Variants in SLC14A2 observed in about 807,000 individuals in gnomAD.
SLC14A2 encodes urea transporter 2.
Under a neutral mutation model 104.6 loss-of-function variants are expected in SLC14A2, and 91 were observed. That is an observed-to-expected ratio of 0.87 (90% CI 0.73 to 1.04). The LOEUF (loss-of-function observed/expected upper bound fraction) is 1.04, where lower values mean the gene tolerates loss of function less well. SLC14A2 is among the 50% of genes least tolerant of loss of function. The pLI is 0.00. For synonymous variants in SLC14A2, 476 were observed against 466.4 expected (o/e 1.02, Z -0.27); for missense variants, 1,189 against 1,156.0 (o/e 1.03, Z -0.41).
intron 1 of SLC14A2, among the ~76,000 whole-genome samples, chr18:45,471,068 T>C (rs945533837): frequency 6.6e-6 from 1 of 152,162 alleles, no homozygotes; most frequent in African/African-American, 2.4e-5. Flanking sequence ...CATTTTCTAC[T>C]GATTAGTTAA....
intron 2 of SLC14A2, among the ~76,000 whole-genome samples, chr18:45,566,504 C>T (rs1052012515): frequency 5.0e-5 from 4 of 79,874 alleles, no homozygotes; most frequent in South Asian, 6.1e-4. Flanking sequence ...CATGTACATG[C>T]GCTCACGCTC....
At chr18:45,546,033 A>G (rs1220095678) in intron 2 of SLC14A2, among the ~76,000 whole-genome samples, 6 of 152,198 alleles carry the variant, frequency 3.9e-5, no homozygotes, top group African/African-American at 1.4e-4. Context: ...AACCTTTTGT[A>G]TATTTCCAGT....
chr18:45,551,727 G>A (rs1029558397), intron 2 of SLC14A2, among the ~76,000 whole-genome samples: 1 of 152,180 alleles, frequency 6.6e-6, no homozygotes, highest in African/African-American at 2.4e-5. Context: ...GGCAGTGACT[G>A]TGAAAGGTAG....
chr18:45,207,763 AG>A, the SLC14A2 span, among the ~76,000 whole-genome samples: 8 of 152,190 alleles, frequency 5.3e-5, no homozygotes, highest in Non-Finnish European at 7.3e-5. Context: ...AAATTAGTTT[AG>A]GGTGGTTAGA....
intron 1 of SLC14A2, among the ~76,000 whole-genome samples, chr18:45,379,410 G>C (rs1164749905): frequency 6.6e-6 from 1 of 152,192 alleles, no homozygotes; most frequent in African/African-American, 2.4e-5. Flanking sequence ...TCTGAAGACA[G>C]CTATCAGATC....
chr18:45,289,893 G>C (rs183098697), intron 1 of SLC14A2, among the ~76,000 whole-genome samples: 1 of 152,148 alleles, frequency 6.6e-6, no homozygotes, highest in African/African-American at 2.4e-5. Context: ...TCACTCAGTG[G>C]CCTGATAGAT....
intron 15 of SLC14A2, among the ~76,000 whole-genome samples, chr18:45,669,085 G>C (rs111407989): frequency 6.6e-6 from 1 of 152,246 alleles, no homozygotes; most frequent in African/African-American, 2.4e-5. Context: ...GAGACTGCCT[G>C]CCTTATATCT....
At chr18:45,277,445 G>T (rs1262590124) in intron 1 of SLC14A2, among the ~76,000 whole-genome samples, 1 of 152,038 alleles carries the variant, frequency 6.6e-6, no homozygotes, top group Admixed American at 6.6e-5. Flanking sequence ...TAGAAACAGG[G>T]TATTGAAGGC....
In SLC14A2 at chr18:45,522,778, G is replaced by A. The variant is rs539548159; in HGVS notation, c.-35+39456G>A. On this transcript the variant is annotated intron_variant, in intron 2 of 20. Coordinates refer to the SLC14A2 transcript ENST00000586448. ...TTGCTTGCTTGCTCACTTTACTCAGGCTCTCATTGGATTCCCCAATTCTTA... is the reference window on the plus strand; with the variant it reads ...TTGCTTGCTTGCTCACTTTACTCAGACTCTCATTGGATTCCCCAATTCTTA... 5.3e-5 allele frequency among the ~76,000 whole-genome samples: 8 copies of A among 152,138 alleles called. No homozygotes were observed. In the East Asian group the frequency reaches 1.5e-3, roughly 29 times the overall value.
intron 2 of SLC14A2, among the ~76,000 whole-genome samples, chr18:45,488,204 G>A (rs2087648002): frequency 6.6e-6 from 1 of 152,156 alleles, no homozygotes; most frequent in African/African-American, 2.4e-5. Flanking sequence ...GCAAGAGCAG[G>A]CAGGGATAAC....
At chr18:45,470,412 TATTTTGACTGATAC>T (rs1424611075) in intron 1 of SLC14A2, among the ~76,000 whole-genome samples, 1 of 152,212 alleles carries the variant, frequency 6.6e-6, no homozygotes, top group Non-Finnish European at 1.5e-5. Flanking sequence ...AGAATCTATT[TATTTTGACTGATAC>T]ATTTTTACTT....
chr18:45,370,113 T>C (rs1387815899), intron 1 of SLC14A2, among the ~76,000 whole-genome samples: 1 of 152,150 alleles, frequency 6.6e-6, no homozygotes, highest in African/African-American at 2.4e-5. Flanking sequence ...TGCCAAATAT[T>C]CTTTCCCCAT....
intron 10 of SLC14A2, among the ~76,000 whole-genome samples, chr18:45,659,689 T>C (rs929395021): frequency 2.6e-5 from 4 of 152,222 alleles, no homozygotes; most frequent in African/African-American, 9.7e-5. Context: ...AATTCAGATA[T>C]AACTTTTATC....
At chr18:45,261,130 A>C (rs1032121814) in intron 1 of SLC14A2, among the ~76,000 whole-genome samples, 1 of 151,826 alleles carries the variant, frequency 6.6e-6, no homozygotes, top group Middle Eastern at 3.4e-3. Context: ...GTCATTTAAC[A>C]TTAGGTATAT....
At chr18:45,273,641 G>C (rs1469969344) in intron 1 of SLC14A2, among the ~76,000 whole-genome samples, 1 of 152,122 alleles carries the variant, frequency 6.6e-6, no homozygotes, top group South Asian at 2.1e-4. Flanking sequence ...GGTGAGCAGA[G>C]TAATTGGGTG....
chr18:45,558,595 GT>G (rs1434765376), intron 2 of SLC14A2, among the ~76,000 whole-genome samples: 25 of 152,336 alleles, frequency 1.6e-4, no homozygotes, highest in African/African-American at 5.8e-4. Flanking sequence ...ATAATCATGA[GT>G]TTTAGTCTCA....
the SLC14A2 span, among the ~76,000 whole-genome samples, chr18:45,184,295 T>C: frequency 1.3e-5 from 2 of 152,206 alleles, no homozygotes; most frequent in Non-Finnish European, 2.9e-5. Context: ...ATACATGTAG[T>C]AAGTTAACTA....
intron 2 of SLC14A2, among the ~76,000 whole-genome samples, chr18:45,563,102 G>A (rs559006287): frequency 4.2e-4 from 64 of 152,312 alleles, no homozygotes; most frequent in African/African-American, 1.4e-3. Flanking sequence ...CTGACAAGAC[G>A]GTTGGTGGGA....
rs1201118990 is a variant in SLC14A2 at position 45,531,509 on chromosome 18, G to T, written c.-35+48187G>T. Among the ~76,000 whole-genome samples the T allele has an allele frequency of 1.3e-4, 20 of 152,144 alleles. No homozygotes were observed. In the South Asian group the frequency reaches 1.7e-3, roughly 13 times the overall value. Reference sequence around the variant, plus strand: ...TGCATAAATGTCTTCTTTTGAGAAGGGTCTGTTCATATCCTTCACCCACTT... The same window carrying T: ...TGCATAAATGTCTTCTTTTGAGAAGTGTCTGTTCATATCCTTCACCCACTT... On this transcript the variant is annotated intron_variant, in intron 2 of 20. Transcript: ENST00000586448.
Sources: gnomAD v4.1 joint callset for allele counts (sites outside exome capture counted in the v4.1 genomes callset) on GRCh38, gnomAD v4.1.1 for gene constraint, MANE v1.5 for transcripts, NCBI Gene and HGNC (gene_info 2026-07-23, HGNC 2026-07-21) for gene names.